Variants in BTG3 observed in about 807,000 individuals in gnomAD.
BTG3 encodes the protein protein BTG3.
Under a neutral mutation model 25.8 loss-of-function variants are expected in BTG3, and 4 were observed. The observed-to-expected ratio is 0.16, with a 90% CI of 0.08 to 0.36. The LOEUF (loss-of-function observed/expected upper bound fraction) is 0.36. Among genes scored for constraint, BTG3 ranks in the 10% least tolerant of loss-of-function variants. BTG3 has a pLI of 1.00. For missense variants in BTG3, 201 were observed against 304.9 expected (o/e 0.66, Z 2.54); for synonymous variants, 107 against 99.9 (o/e 1.07, Z -0.42).
chr21:17,611,288 A>G (rs1403364750), intron 1 of BTG3, among the ~76,000 whole-genome samples: 1 of 152,246 alleles, frequency 6.6e-6, no homozygotes, highest in Non-Finnish European at 1.5e-5. Context: ...GAACCACACT[A>G]AAGAAATGTA....
chr21:17,595,710 GAAC>G (rs1317808309), intron 4 of BTG3, among the ~76,000 whole-genome samples: 1 of 151,758 alleles, frequency 6.6e-6, no homozygotes, highest in Non-Finnish European at 1.5e-5. Context: ...GATACACAAC[GAAC>G]AAAACAATGC....
intron 4 of BTG3, among the ~76,000 whole-genome samples, chr21:17,596,039 A>G (rs1569172458): frequency 6.6e-6 from 1 of 151,824 alleles, no homozygotes; most frequent in East Asian, 1.9e-4. Flanking sequence ...CATTCACATA[A>G]CTCCTTTTGT....
chr21:17,602,068 T>C (rs2123454417), intron 3 of BTG3, among the ~76,000 whole-genome samples: 1 of 152,086 alleles, frequency 6.6e-6, no homozygotes, highest in East Asian at 1.9e-4. Flanking sequence ...CAATGATCAC[T>C]GATAAAACAT....
At chr21:17,598,856 G>T in intron 3 of BTG3, 32 bp from the exon 4 acceptor site, 1 of 1,576,622 alleles carries the variant, frequency 6.3e-7, no homozygotes. Flanking sequence ...TACAAATCTT[G>T]AAGTCACATC....
Position 17,598,715 on chromosome 21 carries a change from C to G in BTG3, c.421G>C (p.Asp141His). 1 of 1,614,084 alleles carries G rather than the reference C, an allele frequency of 6.2e-7. No homozygotes were observed. Among genetic ancestry groups the G allele is most frequent in the South Asian group, 1.1e-5 (1 of 91,080 alleles). Residue 141 changes from aspartate to histidine, a missense_variant, in exon 4 of 5, where the codon GAT becomes CAT. Physicochemically the swap from Asp to His is moderately conservative, Grantham distance 81. Coordinates refer to ENST00000348354, the MANE Select transcript of BTG3 (RefSeq NM_006806.5). ...GAAGAAGAGGATCCTGAATGATAAT[C>G]AGAGGTAACCTTATCAAGGGCCCTG... is the stretch of plus-strand genomic sequence containing the variant. ...VTRALDKVTS[D>H]YHSGSSSSDE...
Position 17,594,199 on chromosome 21 carries a change from C to A in BTG3, c.653G>T (p.Arg218Ile). ...AATTGGGCGATATGGTTTATTTTTTCTTCCCTGATTTGGATAACCAAATGG... is the reference window on the plus strand; with the variant it reads ...AATTGGGCGATATGGTTTATTTTTTATTCCCTGATTTGGATAACCAAATGG... ...PVPFGYPNQG[R>I]KNKPYRPIPV... is the part of the protein sequence containing the mutation. Residue 218 changes from arginine (R) to isoleucine (I), a missense_variant, in exon 5 of 5, where the codon AGA becomes ATA. Arg to Ile is a moderately conservative substitution (Grantham distance 97). This residue lies in a region of BTG3 where 131 missense variants were observed against 129.3 expected (regional missense o/e 1.01). Coordinates refer to ENST00000348354, the MANE Select transcript of BTG3 (RefSeq NM_006806.5). 1 of 1,613,302 alleles carries A rather than the reference C, an allele frequency of 6.2e-7. No individual in the cohort carries two copies. Among genetic ancestry groups the A allele is most frequent in the Non-Finnish European group, 8.5e-7 (1 of 1,179,422 alleles).
At chr21:17,600,549 A>G (rs759929371) in intron 3 of BTG3, among the ~76,000 whole-genome samples, 1 of 152,192 alleles carries the variant, frequency 6.6e-6, no homozygotes, top group African/African-American at 2.4e-5. Context: ...GGCTGGGTGC[A>G]GTGGCTTACA....
intron 3 of BTG3, among the ~76,000 whole-genome samples, chr21:17,599,387 T>C (rs1054162384): frequency 2.6e-5 from 4 of 151,976 alleles, no homozygotes; most frequent in African/African-American, 9.7e-5. Context: ...ACCATGTTGC[T>C]GAGGCTGGTC....
chr21:17,594,632 C>T (rs2061480839), intron 4 of BTG3, among the ~76,000 whole-genome samples: 1 of 152,082 alleles, frequency 6.6e-6, no homozygotes, highest in Non-Finnish European at 1.5e-5. Context: ...TAAGGACATG[C>T]TTGTTTTAGT....
chr21:17,601,162 C>CAA (rs35194409), intron 3 of BTG3, among the ~76,000 whole-genome samples: 30 of 115,686 alleles, frequency 2.6e-4, no homozygotes, highest in East Asian at 1.2e-3. Flanking sequence ...GACTCCGTCT[C>CAA]AAAAAAAAAA....
chr21:17,598,824 C>T lies in BTG3; in HGVS notation c.312G>A (p.Arg104=). 1 of 1,605,080 alleles carries T rather than the reference C, an allele frequency of 6.2e-7. No homozygotes were observed. The highest frequency in any genetic ancestry group is 8.5e-7 in the Non-Finnish European group (1 of 1,177,450). The part of the protein sequence containing the change: ...LWVDPCEVCC[R]YGEKNNAFIV... ...TGAATGCATTGTTTTTCTCTCCATA[C>T]CTAAGAATAAAATTAAAAACTTACA... Residue 104 remains arginine (R), a splice_region_variant and synonymous_variant, in exon 4 of 5, where the codon CGG becomes CGA. Transcript: ENST00000348354.
intron 1 of BTG3, among the ~76,000 whole-genome samples, chr21:17,609,909 A>C (rs2061695864): frequency 6.6e-6 from 1 of 152,268 alleles, no homozygotes; most frequent in African/African-American, 2.4e-5. Flanking sequence ...ATAATAGCTA[A>C]AAAGTAAAAA....
At chr21:17,595,435 A>C (rs1274286263) in intron 4 of BTG3, among the ~76,000 whole-genome samples, 10 of 151,988 alleles carry the variant, frequency 6.6e-5, no homozygotes, top group Admixed American at 2.6e-4. Context: ...ACCCTTCTCA[A>C]GGGCAACTGA....
chr21:17,599,117 A>T (rs972083054), intron 3 of BTG3: 12 of 289,038 alleles, frequency 4.2e-5, no homozygotes, highest in Non-Finnish European at 5.7e-5. Flanking sequence ...AAAAAAGTCC[A>T]TTGTTTTGAT....
chr21:17,608,308 G>A (rs116461604), intron 2 of BTG3, among the ~76,000 whole-genome samples: 2,549 of 152,070 alleles, frequency 0.017, 71 homozygotes, highest in African/African-American at 0.057. Flanking sequence ...AGGAGTTTGA[G>A]GCTGCAGTGA....
intron 4 of BTG3, 32 bp from the exon 5 acceptor site, chr21:17,594,364 A>G: frequency 6.3e-7 from 1 of 1,586,334 alleles, no homozygotes; most frequent in South Asian, 1.2e-5. Context: ...AAGTTAATTC[A>G]AAGGAAAAAA....
chr21:17,610,211 C>T (rs569310721), intron 1 of BTG3, among the ~76,000 whole-genome samples: 1 of 152,256 alleles, frequency 6.6e-6, no homozygotes, highest in East Asian at 1.9e-4. Flanking sequence ...TACAGGGTTA[C>T]TTTTTGAGGT....
intron 3 of BTG3, among the ~76,000 whole-genome samples, chr21:17,603,076 T>G (rs978645071): frequency 6.6e-6 from 1 of 152,204 alleles, no homozygotes; most frequent in Non-Finnish European, 1.5e-5. Context: ...CTTCTCACAT[T>G]TCATGGGTTA....
At chr21:17,600,889 C>A (rs546016993) in intron 3 of BTG3, among the ~76,000 whole-genome samples, 3 of 152,014 alleles carry the variant, frequency 2.0e-5, no homozygotes, top group South Asian at 4.2e-4. Context: ...AGGGGCTGGG[C>A]GCGGTGGCTC....
Sources: gnomAD v4.1 joint callset for allele counts (sites outside exome capture counted in the v4.1 genomes callset) on GRCh38, gnomAD v4.1.1 for gene constraint, gnomAD v4.1.1 regional missense constraint, MANE v1.5 for transcripts, NCBI Gene and HGNC (gene_info 2026-07-23, HGNC 2026-07-21) for gene names.